Variants in RBFOX1 observed in about 807,000 individuals in gnomAD.
RBFOX1 encodes the protein RNA binding protein fox-1 homolog 1.
A neutral mutation model predicts 57.7 loss-of-function variants in RBFOX1; 8 were observed. That is an observed-to-expected ratio of 0.14 (90% CI 0.08 to 0.25). RBFOX1 has a LOEUF of 0.25. RBFOX1 is among the 10% of genes least tolerant of loss of function. The probability of loss-of-function intolerance (pLI) is 1.00; values close to 1 mark genes in which losing one functional copy is unlikely to be tolerated. For synonymous variants in RBFOX1, 326 were observed against 222.4 expected (o/e 1.47, Z -4.15); for missense variants, 611 against 548.5 (o/e 1.11, Z -1.14).
In RBFOX1 at chr16:7,089,905, T is replaced by C. The variant is rs555267021; in HGVS notation, c.27+37807T>C. ...TTACATCTTTAATTCAGATTTTTTT[T>C]CTGCATTCAAAAAAAAAATGGCAGA... On this transcript the variant is annotated intron_variant, in intron 4 of 15. Transcript: ENST00000550418. Among the ~76,000 whole-genome samples the C allele has an allele frequency of 8.3e-5, 5 of 60,204 alleles. No homozygotes were observed. The South Asian group carries it at 2.7e-3, about 33-fold the overall frequency. The allele number at this position is 60,204 out of a possible 152,430, so 39.5% of individuals were successfully genotyped here.
chr16:6,066,553 T>C (rs1475696708), intron 1 of RBFOX1, among the ~76,000 whole-genome samples: 2 of 152,102 alleles, frequency 1.3e-5, no homozygotes, highest in East Asian at 1.9e-4. Context: ...TGAGCATGGA[T>C]GCCATTTAAA....
In RBFOX1 at chr16:6,348,210, A is replaced by C. The variant is rs142023242; in HGVS notation, c.-64+31153A>C. 4.2e-4 allele frequency among the ~76,000 whole-genome samples: 64 copies of C among 152,298 alleles called. No individual in the cohort carries two copies. In the East Asian group the frequency reaches 0.011, roughly 26 times the overall value. On this transcript the variant is annotated intron_variant, in intron 2 of 15. Coordinates refer to ENST00000550418, the MANE Select transcript of RBFOX1 (RefSeq NM_018723.4). The stretch of plus-strand genomic sequence containing the variant: ...TAAAATGTGGGGCACATGTGGGGTC[A>C]GGCCATCCAGGTTCACACTCCAGCT...
chr16:7,512,332 G>T (rs1343073242), intron 4 of RBFOX1, among the ~76,000 whole-genome samples: 2 of 152,190 alleles, frequency 1.3e-5, no homozygotes, highest in Non-Finnish European at 2.9e-5. Flanking sequence ...ATACATTTCA[G>T]CCAAGCTAAG....
chr16:7,287,412 C>G (rs2095671422), intron 4 of RBFOX1, among the ~76,000 whole-genome samples: 1 of 152,110 alleles, frequency 6.6e-6, no homozygotes, highest in Non-Finnish European at 1.5e-5. Flanking sequence ...CTCTCTTTCT[C>G]TTTCTAGAAT....
intron 4 of RBFOX1, among the ~76,000 whole-genome samples, chr16:5,994,596 G>A (rs1003153922): frequency 6.6e-6 from 1 of 152,214 alleles, no homozygotes; most frequent in Non-Finnish European, 1.5e-5. Flanking sequence ...ATTTCTGGCT[G>A]TGTAGGTCCT....
intron 2 of RBFOX1, among the ~76,000 whole-genome samples, chr16:5,545,332 C>T: frequency 6.6e-6 from 1 of 151,878 alleles, no homozygotes; most frequent in East Asian, 1.9e-4. Flanking sequence ...ACAAACTATT[C>T]CAGGAAATTG....
intron 3 of RBFOX1, among the ~76,000 whole-genome samples, chr16:5,690,712 G>T (rs1235971500): frequency 6.6e-6 from 1 of 152,142 alleles, no homozygotes; most frequent in Admixed American, 6.5e-5. Flanking sequence ...AATGGGTACA[G>T]AAAGGAAACT....
chr16:5,266,145 C>T (rs772613622), intron 1 of RBFOX1, among the ~76,000 whole-genome samples: 4 of 152,064 alleles, frequency 2.6e-5, no homozygotes, highest in African/African-American at 7.2e-5. Flanking sequence ...ATCCTGAGCA[C>T]GAAAGAGCAG....
At chr16:6,847,719 T>A (rs2093833698) in intron 3 of RBFOX1, among the ~76,000 whole-genome samples, 1 of 152,156 alleles carries the variant, frequency 6.6e-6, no homozygotes, top group African/African-American at 2.4e-5. Context: ...AGAGCACCCA[T>A]CAACCTGTGA....
chr16:6,555,079 G>A (rs960736954), intron 2 of RBFOX1, among the ~76,000 whole-genome samples: 2 of 152,116 alleles, frequency 1.3e-5, no homozygotes, highest in African/African-American at 2.4e-5. Context: ...TCTTGCACAT[G>A]GAAACACAGG....
chr16:6,810,387 A>C (rs1180239742), intron 3 of RBFOX1, among the ~76,000 whole-genome samples: 1 of 152,128 alleles, frequency 6.6e-6, no homozygotes, highest in Non-Finnish European at 1.5e-5. Flanking sequence ...AGAGGTAGGC[A>C]CATAAACTAA....
intron 3 of RBFOX1, among the ~76,000 whole-genome samples, chr16:6,755,521 C>A (rs1299639355): frequency 6.6e-6 from 1 of 152,128 alleles, no homozygotes; most frequent in African/African-American, 2.4e-5. Flanking sequence ...GCCAAGATAA[C>A]CCGTCAGAAC....
At chr16:5,342,409 A>G (rs1426921484) in intron 1 of RBFOX1, among the ~76,000 whole-genome samples, 1 of 152,186 alleles carries the variant, frequency 6.6e-6, no homozygotes, top group African/African-American at 2.4e-5. Context: ...ATAATGCCTC[A>G]GTCTCTAGGT....
chr16:7,444,659 A>G (rs1317546504), intron 4 of RBFOX1, among the ~76,000 whole-genome samples: 1 of 151,994 alleles, frequency 6.6e-6, no homozygotes, highest in Non-Finnish European at 1.5e-5. Context: ...TTGTCTCCCA[A>G]GTAGCTGTAC....
At chr16:6,996,297 C>G (rs555604213) in intron 3 of RBFOX1, among the ~76,000 whole-genome samples, 1 of 152,128 alleles carries the variant, frequency 6.6e-6, no homozygotes, top group Non-Finnish European at 1.5e-5. Flanking sequence ...TAGAATAACA[C>G]TGAACTAGTA....
At chr16:5,797,976 A>C (rs2054934161) in intron 3 of RBFOX1, among the ~76,000 whole-genome samples, 1 of 152,200 alleles carries the variant, frequency 6.6e-6, no homozygotes, top group Non-Finnish European at 1.5e-5. Flanking sequence ...TTATTCTTTC[A>C]AACAGTATTT....
intron 4 of RBFOX1, among the ~76,000 whole-genome samples, chr16:7,501,723 C>T (rs989026924): frequency 2.6e-5 from 4 of 152,218 alleles, no homozygotes; most frequent in African/African-American, 7.2e-5. Flanking sequence ...CACCTGGCTG[C>T]TTCCTGCTCT....
chr16:6,555,768 T>G (rs1190716706), intron 2 of RBFOX1, among the ~76,000 whole-genome samples: 2 of 152,150 alleles, frequency 1.3e-5, no homozygotes, highest in Non-Finnish European at 2.9e-5. Context: ...TTATCTCTGT[T>G]TAGTTACGCA....
At chr16:6,939,381 G>A (rs570936014) in intron 3 of RBFOX1, among the ~76,000 whole-genome samples, 2 of 145,612 alleles carry the variant, frequency 1.4e-5, no homozygotes, top group South Asian at 4.2e-4. Context: ...TTATATATGT[G>A]TATGTGTGTG....
Sources: allele counts gnomAD v4.1 joint callset (sites outside exome capture counted in the v4.1 genomes callset), GRCh38; gene constraint gnomAD v4.1.1; transcripts MANE v1.5; gene names NCBI Gene and HGNC (gene_info 2026-07-23, HGNC 2026-07-21).